MCF2: variants seen among roughly 807,000 people sequenced by gnomAD.
MCF2 encodes proto-oncogene DBL.
Under a neutral mutation model 82.5 loss-of-function variants are expected in MCF2, and 44 were observed. The observed-to-expected ratio is 0.53, with a 90% CI of 0.42 to 0.69. The LOEUF is 0.69. MCF2 is among the 30% of genes least tolerant of loss of function. The probability of loss-of-function intolerance (pLI) is 0.00; values close to 1 mark genes in which losing one functional copy is unlikely to be tolerated. For synonymous variants in MCF2, 217 were observed against 224.9 expected (o/e 0.96, Z 0.32); for missense variants, 623 against 663.1 (o/e 0.94, Z 0.66).
At chrX:139,604,939 G>A in exon 14 of MCF2, 1 of 1,198,041 alleles carries the variant, frequency 8.3e-7, no homozygotes, top group Non-Finnish European at 1.1e-6. Context: ...AGGAGAGGTG[G>A]CATAAGATCA....
At chrX:139,699,794 T>C (rs540478264) in intron 1 of MCF2, among the ~76,000 whole-genome samples, 1 of 112,376 alleles carries the variant, frequency 8.9e-6, no homozygotes, top group East Asian at 2.8e-4. Flanking sequence ...ATTGAAACCC[T>C]GATATTTTAA....
chrX:139,700,284 C>A (rs775694902), intron 1 of MCF2, among the ~76,000 whole-genome samples: 40 of 110,966 alleles, frequency 3.6e-4, no homozygotes, highest in African/African-American at 1.3e-3. Flanking sequence ...AGCCAGATTT[C>A]TTTTCTTAGG....
rs1556030374 is a variant in MCF2, at chrX:139,620,027, GTA to G, written c.688-323_688-322del. Among the ~76,000 whole-genome samples, 608 of 100,363 alleles carry G rather than the reference GTA, an allele frequency of 6.1e-3. 3 individuals carry two copies. Among genetic ancestry groups the G allele is most frequent in the African/African-American group, 7.6e-3 (187 of 24,648 alleles). The allele number at this position is 100,363 out of a possible 115,157, so 87.2% of individuals were successfully genotyped here. On this transcript the variant is annotated intron_variant, in intron 6 of 24. Transcript: ENST00000370576. The stretch of plus-strand genomic sequence containing the variant: ...TGTGTGTGTGTGTGTGTGTGTGTGT[GTA>G]TATATATATAGCAAATATCTAAAAC...
At chrX:139,597,439 C>T in intron 18 of MCF2, 21 bp downstream of exon 22, 1 of 1,168,369 alleles carries the variant, frequency 8.6e-7, no homozygotes, top group East Asian at 3.1e-5. Flanking sequence ...AAAATTCCAA[C>T]AATTATTAAA....
chrX:139,657,746 CTCAG>C (rs1289982043), intron 1 of MCF2, among the ~76,000 whole-genome samples: 4 of 111,471 alleles, frequency 3.6e-5, no homozygotes, highest in South Asian at 3.7e-4. Flanking sequence ...ATCAGGTTTG[CTCAG>C]TCAGTTTATT....
upstream of MCF2, among the ~76,000 whole-genome samples, chrX:139,644,682 C>T (rs1450843203): frequency 2.7e-5 from 3 of 112,412 alleles, no homozygotes; most frequent in Non-Finnish European, 5.6e-5. Flanking sequence ...TTTGTTTTGC[C>T]TTTGCAACTA....
intron 1 of MCF2, among the ~76,000 whole-genome samples, chrX:139,681,702 A>G (rs1245564140): frequency 8.9e-6 from 1 of 112,098 alleles, no homozygotes; most frequent in Non-Finnish European, 1.9e-5. Flanking sequence ...TGCTCTCACC[A>G]TTAGAAATAA....
At chrX:139,624,978 T>C (rs1446661500) in intron 6 of MCF2, among the ~76,000 whole-genome samples, 1 of 111,303 alleles carries the variant, frequency 9.0e-6, no homozygotes, top group Non-Finnish European at 1.9e-5. Flanking sequence ...TGGAGTAAAA[T>C]ATTGTCATTA....
chrX:139,601,892 C>T (rs187866550), intron 16 of MCF2, among the ~76,000 whole-genome samples: 2 of 110,709 alleles, frequency 1.8e-5, no homozygotes, highest in Non-Finnish European at 3.8e-5. Context: ...GGTAGAATAA[C>T]GATAAGTATC....
chrX:139,616,320 G>T (rs539581227), exon 9 of MCF2: 6 of 1,151,727 alleles, frequency 5.2e-6, no homozygotes, highest in East Asian at 3.0e-5. Flanking sequence ...AATTCATACT[G>T]CAGTGTTTCA....
intron 6 of MCF2, 22 bp downstream of exon 9, chrX:139,626,171 A>G: frequency 9.8e-7 from 1 of 1,024,791 alleles, no homozygotes; most frequent in Non-Finnish European, 1.3e-6. Context: ...AAAAAGGTAT[A>G]CAAAGAAATG....
At chrX:139,621,332 A>G (rs1603289922) in intron 6 of MCF2, among the ~76,000 whole-genome samples, 1 of 111,977 alleles carries the variant, frequency 8.9e-6, no homozygotes, top group African/African-American at 3.2e-5. Context: ...TTCAACAAAT[A>G]CAAAAATTGA....
chrX:139,600,069 G>T (rs1025764386), intron 16 of MCF2, among the ~76,000 whole-genome samples: 4 of 111,531 alleles, frequency 3.6e-5, no homozygotes, highest in African/African-American at 1.3e-4. Flanking sequence ...AAACACAAAA[G>T]ACCACATATT....
rs781473137 is a variant in MCF2 at position 139,703,093 on chromosome X, G to A, written c.-45+5013C>T. 4.5e-5 allele frequency among the ~76,000 whole-genome samples: 5 copies of A among 112,157 alleles called. No homozygotes were observed. The Admixed American group carries it at 4.7e-4, about 11-fold the overall frequency. ...AATCTTCAGAACTTCTTGTAAGGTTGCATGAGGCTTCTGTCACGAAGCCTT... is the reference window on the plus strand; with the variant it reads ...AATCTTCAGAACTTCTTGTAAGGTTACATGAGGCTTCTGTCACGAAGCCTT... On this transcript the variant is annotated intron_variant, in intron 1 of 27. Transcript: ENST00000414978.
exon 25 of MCF2, chrX:139,582,285 C>T (rs759795816): frequency 3.9e-5 from 19 of 486,346 alleles, no homozygotes; most frequent in South Asian, 3.6e-4. Context: ...AAAAAGACAG[C>T]GTACCATAAT....
chrX:139,639,867 C>T (rs1232891138), intron 1 of MCF2, among the ~76,000 whole-genome samples: 1 of 111,616 alleles, frequency 9.0e-6, no homozygotes, highest in East Asian at 2.8e-4. Context: ...CCTATTTAAT[C>T]TTTAGGGTAA....
chrX:139,661,087 A>T (rs964988917), intron 1 of MCF2, among the ~76,000 whole-genome samples: 1 of 112,029 alleles, frequency 8.9e-6, no homozygotes. Flanking sequence ...TTAATAGATA[A>T]TGAGACATGT....
intron 24 of MCF2, among the ~76,000 whole-genome samples, chrX:139,582,821 T>A (rs1207537550): frequency 8.9e-6 from 1 of 112,273 alleles, no homozygotes; most frequent in African/African-American, 3.2e-5. Context: ...AATGCCTTCA[T>A]AGATCATCTA....
intron 6 of MCF2, among the ~76,000 whole-genome samples, chrX:139,624,443 G>C (rs775212242): frequency 6.5e-4 from 71 of 109,313 alleles, no homozygotes; most frequent in African/African-American, 2.3e-3. Flanking sequence ...GGGAGGCTGA[G>C]GGGGGAGGAT....
Sources: gnomAD v4.1 joint callset for allele counts (sites outside exome capture counted in the v4.1 genomes callset) on GRCh38, gnomAD v4.1.1 for gene constraint, MANE v1.5 for transcripts, NCBI Gene and HGNC (gene_info 2026-07-23, HGNC 2026-07-21) for gene names.